The following SLC24A2 variants were observed in gnomAD, a reference collection of about 807,000 sequenced individuals.
SLC24A2 encodes solute carrier family 24 member 2.
In SLC24A2, 36 loss-of-function variants were observed where a neutral mutation model predicts 62.0. The observed-to-expected ratio is 0.58, with a 90% confidence interval of 0.44 to 0.77. SLC24A2 has a LOEUF of 0.77. Ranked by LOEUF, SLC24A2 falls within the 30% of genes least tolerant of loss-of-function variation. SLC24A2 has a pLI of 0.00. For synonymous variants in SLC24A2, 358 were observed against 294.0 expected, an observed-to-expected ratio of 1.22 and a Z score of -2.23; for missense variants, 846 against 817.9, an observed-to-expected ratio of 1.03 and a Z score of -0.42.
the SLC24A2 span, among the ~76,000 whole-genome samples, chr9:20,184,517 C>G: frequency 6.6e-6 from 1 of 152,142 alleles, no homozygotes; most frequent in East Asian, 1.9e-4. Flanking sequence ...CCACTGCACT[C>G]CAGCCTGGCA....
the SLC24A2 span, among the ~76,000 whole-genome samples, chr9:20,271,424 G>A: frequency 2.0e-5 from 3 of 152,134 alleles, no homozygotes; most frequent in Non-Finnish European, 4.4e-5. Flanking sequence ...AGTGGGTTTT[G>A]CCAGATATAT....
chr9:20,246,548 A>G, the SLC24A2 span, among the ~76,000 whole-genome samples: 2 of 152,240 alleles, frequency 1.3e-5, no homozygotes, highest in African/African-American at 4.8e-5. Context: ...TAAAATAAAT[A>G]TATCTCAGTC....
intron 2 of SLC24A2, among the ~76,000 whole-genome samples, chr9:19,709,751 G>A (rs1386774318): frequency 8.6e-6 from 1 of 116,254 alleles, no homozygotes; most frequent in East Asian, 2.9e-4. Context: ...GGACTGTTGT[G>A]GTGTGGGGGG....
chr9:20,178,157 A>T, the SLC24A2 span, among the ~76,000 whole-genome samples: 1 of 152,182 alleles, frequency 6.6e-6, no homozygotes, highest in African/African-American at 2.4e-5. Context: ...TAATGATCTG[A>T]ACTGTTCAGA....
chr9:19,768,175 A>G (rs1822578206), intron 2 of SLC24A2, among the ~76,000 whole-genome samples: 1 of 152,198 alleles, frequency 6.6e-6, no homozygotes, highest in Admixed American at 6.5e-5. Context: ...ATTAAGTTTC[A>G]ACATGAGTTT....
chr9:20,097,491 G>C, the SLC24A2 span, among the ~76,000 whole-genome samples: 3 of 152,000 alleles, frequency 2.0e-5, no homozygotes, highest in South Asian at 2.1e-4. Flanking sequence ...AAGACTAATA[G>C]ACACTAATAG....
the SLC24A2 span, among the ~76,000 whole-genome samples, chr9:20,184,609 C>T: frequency 6.6e-6 from 1 of 152,052 alleles, no homozygotes; most frequent in East Asian, 1.9e-4. Context: ...ATAACAAGTG[C>T]TGGTGAGGTT....
At position 19,786,850 on chromosome 9, in the gene SLC24A2, C is replaced by A. The variant is rs766837386; in HGVS notation, c.17G>T (p.Ser6Ile). 5 of 1,610,878 alleles carry A rather than the reference C, an allele frequency of 3.1e-6. No homozygotes were observed. The Admixed American group carries it at 8.3e-5, about 27-fold the overall frequency. ...TTTCTCTAGGGAAGTGATGGTGGTG[C>A]TTTGTTGCAGATCCATCCTGGGTCT... is the stretch of plus-strand genomic sequence containing the variant. MDLQQ[S>I]TTITSLEKWC... The change falls in exon 2 of 11, where the codon AGC becomes ATC. Residue 6 changes from serine (S) to isoleucine (I), a missense_variant. Coordinates refer to ENST00000341998, the MANE Select transcript of SLC24A2 (RefSeq NM_020344.4). The surrounding 1 kb of genome is among the most constrained non-coding windows in gnomAD (Gnocchi z 5.0).
chr9:19,958,020 C>T, the SLC24A2 span: 1 of 152,638 alleles, frequency 6.6e-6, no homozygotes, highest in African/African-American at 2.4e-5. Flanking sequence ...TCCATACTGT[C>T]AGTGGCCATA....
At chr9:20,227,460 A>C in the SLC24A2 span, among the ~76,000 whole-genome samples, 5 of 151,702 alleles carry the variant, frequency 3.3e-5, no homozygotes, top group Non-Finnish European at 5.9e-5. Flanking sequence ...GGTCTCATGG[A>C]GAACTAAAAG....
rs138420279 is a variant in SLC24A2 at position 19,724,075 on chromosome 9, T to A, written c.930+61862A>T. Among the ~76,000 whole-genome samples, 27 of 152,312 alleles carry A rather than the reference T, an allele frequency of 1.8e-4. 1 individual carries two copies. Among genetic ancestry groups the A allele is most frequent in the African/African-American group, 6.0e-4 (25 of 41,574 alleles). ...AACACCATTATAATTTTTGCCATAA[T>A]CTCATAATTTAATTTCCTATATAGT... On this transcript the variant is annotated intron_variant, in intron 2 of 10. Coordinates refer to ENST00000341998, the MANE Select transcript of SLC24A2 (RefSeq NM_020344.4).
At chr9:19,982,121 T>C in the SLC24A2 span, among the ~76,000 whole-genome samples, 1 of 152,148 alleles carries the variant, frequency 6.6e-6, no homozygotes, top group Non-Finnish European at 1.5e-5. Flanking sequence ...CTGGGAAGAC[T>C]TCATGGAGGA....
At position 19,684,982 on chromosome 9, in the gene SLC24A2, T is replaced by C. The variant is rs533085681; in HGVS notation, c.931-62683A>G. Among the ~76,000 whole-genome samples the C allele has an allele frequency of 7.2e-5, 11 of 152,214 alleles. No homozygotes were observed. In the South Asian group the frequency reaches 2.1e-3, roughly 29 times the overall value. On this transcript the variant is annotated intron_variant, in intron 2 of 10. Coordinates refer to ENST00000341998, the MANE Select transcript of SLC24A2 (RefSeq NM_020344.4). ...TCTCTCCAAAAGTTCCTATATCTGA[T>C]AAATAACTCCAGCAAAGTTTCAGGA...
At chr9:20,221,402 G>A in the SLC24A2 span, among the ~76,000 whole-genome samples, 4 of 151,898 alleles carry the variant, frequency 2.6e-5, no homozygotes, top group East Asian at 1.9e-4. Flanking sequence ...AGAAAAGAAA[G>A]TTACCATGAA....
At chr9:19,757,585 T>C (rs1279142345) in intron 2 of SLC24A2, among the ~76,000 whole-genome samples, 3 of 152,148 alleles carry the variant, frequency 2.0e-5, no homozygotes, top group Non-Finnish European at 4.4e-5. Context: ...ATAACTGAAA[T>C]AAAGAAACAT....
chr9:19,932,863 T>C, the SLC24A2 span, among the ~76,000 whole-genome samples: 1 of 152,228 alleles, frequency 6.6e-6, no homozygotes, highest in Non-Finnish European at 1.5e-5. Context: ...TCTCACCCCG[T>C]CCTACTCTGT....
the SLC24A2 span, among the ~76,000 whole-genome samples, chr9:19,843,577 G>A: frequency 2.5e-4 from 38 of 152,252 alleles, no homozygotes; most frequent in African/African-American, 8.9e-4. Context: ...TGTTGTGTGG[G>A]TATGTTGTGT....
intron 2 of SLC24A2, among the ~76,000 whole-genome samples, chr9:19,727,313 T>G (rs947182244): frequency 6.6e-6 from 1 of 152,180 alleles, no homozygotes; most frequent in Non-Finnish European, 1.5e-5. Flanking sequence ...ATATTTTAGA[T>G]ATAATCCAAA....
At chr9:19,624,312 C>T (rs930164028) in intron 2 of SLC24A2, among the ~76,000 whole-genome samples, 6 of 151,952 alleles carry the variant, frequency 3.9e-5, no homozygotes, top group South Asian at 2.1e-4. Context: ...AGTGTTGACA[C>T]AGAACATGAA....
Sources: allele counts gnomAD v4.1 joint callset (sites outside exome capture counted in the v4.1 genomes callset), GRCh38; gene constraint gnomAD v4.1.1; non-coding constraint Gnocchi (gnomAD v3.1); transcripts MANE v1.5; gene names NCBI Gene and HGNC (gene_info 2026-07-23, HGNC 2026-07-21).